The following ZFHX3 variants were observed in gnomAD, a reference collection of about 807,000 sequenced individuals.
ZFHX3 encodes zinc finger homeobox protein 3.
ZFHX3 carries 42 observed loss-of-function variants against 279.1 expected under a neutral mutation model. The observed-to-expected ratio is 0.15, with a 90% confidence interval of 0.12 to 0.19. ZFHX3 has a LOEUF of 0.19. Among genes scored for constraint, ZFHX3 ranks in the 10% least tolerant of loss-of-function variants. The pLI, the probability that ZFHX3 is intolerant of heterozygous loss-of-function variation, is 1.00. For missense variants in ZFHX3, 4,981 were observed against 4,754.0 expected (o/e 1.05, Z -1.40); for synonymous variants, 2,293 against 1,957.8 (o/e 1.17, Z -4.52).
intron 3 of ZFHX3, among the ~76,000 whole-genome samples, chr16:72,913,507 T>C: frequency 6.6e-6 from 1 of 152,140 alleles, no homozygotes; most frequent in East Asian, 1.9e-4. Context: ...ACCCTTCCCA[T>C]CCACCGTATC....
At chr16:73,714,019 C>CACCA (rs2053390611) in intron 1 of ZFHX3, among the ~76,000 whole-genome samples, 1 of 152,134 alleles carries the variant, frequency 6.6e-6, no homozygotes, top group African/African-American at 2.4e-5. Flanking sequence ...GATGTATGAT[C>CACCA]CCTTCCTCAC....
intron 8 of ZFHX3, among the ~76,000 whole-genome samples, chr16:73,084,967 G>A (rs754396909): frequency 6.6e-6 from 1 of 152,046 alleles, no homozygotes; most frequent in Non-Finnish European, 1.5e-5. Context: ...AATGTCAAGA[G>A]TACTACCCGA....
Position 72,798,482 on chromosome 16 carries a change from C to G in ZFHX3, c.4200G>C (p.Lys1400Asn). The G allele has an allele frequency of 1.9e-6, 3 of 1,614,192 alleles. No homozygotes were observed. The highest frequency in any genetic ancestry group is 1.1e-5 in the South Asian group (1 of 91,084). ...CCAGGCTACACTGATTACAGCGGTA[C>G]TTGTACACATGGCGATCTGACACCG... Reference protein sequence around the residue: ...QLPVSDRHVYKYRCNQCSLAF... With the variant: ...QLPVSDRHVYNYRCNQCSLAF... Residue 1400 changes from lysine to asparagine, a missense_variant, in exon 9 of 10, where the codon AAG becomes AAC. Physicochemically the swap from Lys to Asn is moderately conservative, Grantham distance 94. Around this residue, in one of 7 missense-constraint regions of ZFHX3, gnomAD observed 1,751 missense variants for 1,770.0 expected, o/e 0.99. Coordinates refer to ENST00000268489, the MANE Select transcript of ZFHX3 (RefSeq NM_006885.4).
chr16:73,636,121 C>G (rs553083779), intron 2 of ZFHX3, among the ~76,000 whole-genome samples: 5 of 152,286 alleles, frequency 3.3e-5, no homozygotes, highest in African/African-American at 1.2e-4. Flanking sequence ...AGATCTGCTC[C>G]TATAATTTCA....
intron 7 of ZFHX3, among the ~76,000 whole-genome samples, chr16:73,104,618 A>C (rs1966272177): frequency 6.6e-6 from 1 of 152,178 alleles, no homozygotes; most frequent in Non-Finnish European, 1.5e-5. Flanking sequence ...GGGAGTACGT[A>C]CCACATGAGG....
intron 2 of ZFHX3, among the ~76,000 whole-genome samples, chr16:73,482,458 C>T (rs2018886644): frequency 6.6e-6 from 1 of 152,156 alleles, no homozygotes; most frequent in Non-Finnish European, 1.5e-5. Flanking sequence ...CCGCCTCACC[C>T]ACTCCCTGCT....
chr16:72,923,456 A>AG (rs1959255988), intron 3 of ZFHX3, among the ~76,000 whole-genome samples: 1 of 152,014 alleles, frequency 6.6e-6, no homozygotes, highest in East Asian at 1.9e-4. Context: ...ACCAGAAAAA[A>AG]AAAAAAAAAA....
intron 1 of ZFHX3, among the ~76,000 whole-genome samples, chr16:73,696,424 T>C (rs2053198158): frequency 6.6e-6 from 1 of 152,172 alleles, no homozygotes; most frequent in Non-Finnish European, 1.5e-5. Flanking sequence ...ACATACACTT[T>C]TGTGTAGACT....
At chr16:73,803,448 T>G (rs909783325) in intron 1 of ZFHX3, among the ~76,000 whole-genome samples, 1 of 152,170 alleles carries the variant, frequency 6.6e-6, no homozygotes, top group Non-Finnish European at 1.5e-5. Context: ...TGCTACAAGA[T>G]TTAAGGAAAA....
chr16:72,925,981 T>C (rs1467382486), intron 3 of ZFHX3, among the ~76,000 whole-genome samples: 1 of 152,182 alleles, frequency 6.6e-6, no homozygotes, highest in African/African-American at 2.4e-5. Context: ...AACTTATAAT[T>C]ATTACAATAG....
intron 5 of ZFHX3, among the ~76,000 whole-genome samples, chr16:73,172,997 T>TG (rs1967574067): frequency 1.8e-5 from 1 of 55,352 alleles, no homozygotes; most frequent in South Asian, 5.8e-4. Flanking sequence ...TGTTTTTTTG[T>TG]TTTTTTTTTT....
chr16:73,776,547 C>T (rs564878914), intron 1 of ZFHX3, among the ~76,000 whole-genome samples: 3 of 152,142 alleles, frequency 2.0e-5, no homozygotes, highest in South Asian at 2.1e-4. Flanking sequence ...TATGCAACCG[C>T]GTTAATGCCA....
intron 3 of ZFHX3, among the ~76,000 whole-genome samples, chr16:73,425,247 C>A (rs923824594): frequency 2.0e-5 from 3 of 152,192 alleles, no homozygotes; most frequent in Non-Finnish European, 2.9e-5. Flanking sequence ...CTTTGGTTAT[C>A]TCTCTCCCCA....
chr16:73,149,327 T>C (rs1233600992), intron 5 of ZFHX3, among the ~76,000 whole-genome samples: 11 of 150,436 alleles, frequency 7.3e-5, no homozygotes, highest in South Asian at 6.2e-4. Flanking sequence ...TTAATGTCAT[T>C]AATATAATAT....
At chr16:72,943,051 T>C (rs1208920706) in intron 3 of ZFHX3, among the ~76,000 whole-genome samples, 1 of 152,162 alleles carries the variant, frequency 6.6e-6, no homozygotes, top group Non-Finnish European at 1.5e-5. Context: ...CCTAAATCTG[T>C]GGATCATTCA....
intron 2 of ZFHX3, among the ~76,000 whole-genome samples, chr16:73,477,164 C>T (rs1312713009): frequency 1.3e-5 from 2 of 152,186 alleles, no homozygotes; most frequent in Non-Finnish European, 2.9e-5. Context: ...TACAGATTCA[C>T]ATGTGAATTC....
chr16:73,478,929 GTAATCCC>G (rs1038601700), intron 2 of ZFHX3, among the ~76,000 whole-genome samples: 5 of 152,314 alleles, frequency 3.3e-5, no homozygotes, highest in Admixed American at 3.3e-4. Context: ...GTGCGCGCCT[GTAATCCC>G]AGCTACTCAG....
At chr16:73,875,362 C>T (rs959094093) in intron 1 of ZFHX3, among the ~76,000 whole-genome samples, 3 of 152,154 alleles carry the variant, frequency 2.0e-5, no homozygotes, top group African/African-American at 7.2e-5. Context: ...ACGTAAGGTG[C>T]AAACACAGTT....
At chr16:73,384,969 C>T (rs961626818) in intron 3 of ZFHX3, among the ~76,000 whole-genome samples, 1 of 152,102 alleles carries the variant, frequency 6.6e-6, no homozygotes, top group Non-Finnish European at 1.5e-5. Context: ...GGGACTTTTG[C>T]GGGGACTTCT....
Sources: gnomAD v4.1 joint callset for allele counts (sites outside exome capture counted in the v4.1 genomes callset) on GRCh38, gnomAD v4.1.1 for gene constraint, gnomAD v4.1.1 regional missense constraint, MANE v1.5 for transcripts, NCBI Gene and HGNC (gene_info 2026-07-23, HGNC 2026-07-21) for gene names.